The following ADGRL2 variants were observed in gnomAD, a reference collection of about 807,000 sequenced individuals.
The protein encoded by ADGRL2 is calcium-independent alpha-latrotoxin receptor 2.
In ADGRL2, 44 loss-of-function variants were observed where a neutral mutation model predicts 157.4. The ratio of observed to expected loss-of-function variants is 0.28; its 90% CI spans 0.22 to 0.36. ADGRL2 has a LOEUF of 0.36. Among genes scored for constraint, ADGRL2 ranks in the 10% least tolerant of loss-of-function variants. ADGRL2 has a pLI of 1.00. For missense variants in ADGRL2, 1,510 were observed against 1,768.9 expected, an observed-to-expected ratio of 0.85 and a Z score of 2.63; for synonymous variants, 585 against 624.7, an observed-to-expected ratio of 0.94 and a Z score of 0.95.
chr1:81,945,963 G>T (rs1490380144), intron 6 of ADGRL2, among the ~76,000 whole-genome samples: 1 of 152,014 alleles, frequency 6.6e-6, no homozygotes. Flanking sequence ...ATGCATGTAG[G>T]TGGGGTCTTG....
At chr1:81,825,353 C>T (rs528845934) in intron 1 of ADGRL2, among the ~76,000 whole-genome samples, 72 of 152,046 alleles carry the variant, frequency 4.7e-4, no homozygotes, top group African/African-American at 1.7e-3. Context: ...CAGAGCAAGA[C>T]GCTCTCTTTT....
chr1:81,318,928 CTTTTTTTTTTTTTTTTTTTTT>C lies in ADGRL2; in HGVS notation c.-302+12429_-302+12449del. Among the ~76,000 whole-genome samples, 4 of 45,830 alleles carry C rather than the reference CTTTTTTTTTTTTTTTTTTTTT, an allele frequency of 8.7e-5. No individual in the cohort carries two copies. In the South Asian group the frequency reaches 5.3e-3, roughly 61 times the overall value. 30.1% of individuals were successfully genotyped at this position (45,830 alleles called of 152,430 possible). A position where few individuals can be genotyped will look rare whatever the true frequency, so the allele number is the denominator to read the frequency against. ...TTTTATCCTCCATCCTCCATCAATT[CTTTTTTTTTTTTTTTTTTTTT>C]TTTTTTTTTGAGATGGAGTTTCACT... On this transcript the variant is annotated intron_variant, in intron 1 of 24. Transcript: ENST00000370721.
upstream of ADGRL2, among the ~76,000 whole-genome samples, chr1:81,797,365 C>T (rs967960187): frequency 1.3e-5 from 2 of 151,882 alleles, no homozygotes; most frequent in South Asian, 2.1e-4. Context: ...GGCAAAAATA[C>T]ACTCCCCATA....
At chr1:81,446,111 C>A (rs960603532) in intron 2 of ADGRL2, among the ~76,000 whole-genome samples, 2 of 152,112 alleles carry the variant, frequency 1.3e-5, no homozygotes, top group African/African-American at 4.8e-5. Flanking sequence ...CCTATACTTT[C>A]ATGTAAATGC....
rs950746243 is a variant in ADGRL2 at position 81,855,531 on chromosome 1, T to C, written c.73+18474T>C. On this transcript the variant is annotated intron_variant, in intron 2 of 23. Coordinates refer to ENST00000686636, the MANE Select transcript of ADGRL2 (RefSeq NM_001366006.2). ...TATTTTATCAGTATTTTGATACTTT[T>C]TCTTCCTCTTCTTTTTCTTTTTCTT... Among the ~76,000 whole-genome samples, 5 of 151,424 alleles carry C rather than the reference T, an allele frequency of 3.3e-5. No homozygotes were observed. The East Asian group carries it at 7.7e-4, about 23-fold the overall frequency.
At chr1:81,684,842 C>A (rs1426140862) in intron 3 of ADGRL2, among the ~76,000 whole-genome samples, 1 of 152,138 alleles carries the variant, frequency 6.6e-6, no homozygotes. Context: ...TTTCATTCTC[C>A]TACATGTGGC....
At chr1:81,514,003 T>C (rs978974580) in intron 2 of ADGRL2, 1 of 152,134 alleles carries the variant, frequency 6.6e-6, no homozygotes, top group Non-Finnish European at 1.5e-5. Flanking sequence ...GCTCCCACAA[T>C]GGAGCATTAC....
At chr1:81,510,374 A>G (rs1431186549) in intron 2 of ADGRL2, among the ~76,000 whole-genome samples, 1 of 152,182 alleles carries the variant, frequency 6.6e-6, no homozygotes, top group Non-Finnish European at 1.5e-5. Flanking sequence ...ATGGTAGATT[A>G]GGTCCTAGGT....
chr1:81,388,938 T>G (rs1484445506), intron 1 of ADGRL2, among the ~76,000 whole-genome samples: 2 of 152,074 alleles, frequency 1.3e-5, no homozygotes, highest in East Asian at 3.9e-4. Flanking sequence ...AGGTAGATAG[T>G]CTTTTGCAGT....
At chr1:81,714,226 A>C (rs1056351951) in intron 1 of ADGRL2, among the ~76,000 whole-genome samples, 1 of 152,220 alleles carries the variant, frequency 6.6e-6, no homozygotes, top group Non-Finnish European at 1.5e-5. Flanking sequence ...AGATACCTAT[A>C]TAAGTTATCA....
intron 2 of ADGRL2, among the ~76,000 whole-genome samples, chr1:81,542,345 G>A (rs1475991786): frequency 4.6e-5 from 7 of 152,136 alleles, no homozygotes; most frequent in African/African-American, 1.7e-4. Flanking sequence ...GCAGGAGTAG[G>A]GAATGGTAAT....
Position 81,447,864 on chromosome 1 carries a change from T to C in ADGRL2, c.-248+2775T>C, listed in dbSNP as rs577770245. ...GGCCTAGTGGGAAGTGATCTGATCA[T>C]GGGGGTAGATCCTCCATGAACGGTT... On this transcript the variant is annotated intron_variant, in intron 2 of 24. Coordinates refer to the ADGRL2 transcript ENST00000370721. Among the ~76,000 whole-genome samples the C allele has an allele frequency of 2.0e-5, 3 of 152,214 alleles. No homozygotes were observed. In the South Asian group the frequency reaches 6.2e-4, roughly 32 times the overall value.
At chr1:81,624,557 C>G (rs1329282277) in intron 3 of ADGRL2, among the ~76,000 whole-genome samples, 1 of 151,686 alleles carries the variant, frequency 6.6e-6, no homozygotes, top group Non-Finnish European at 1.5e-5. Context: ...CCCACCCCCC[C>G]CAAAAATAAA....
At chr1:81,925,889 AT>A (rs1405241951) in intron 3 of ADGRL2, among the ~76,000 whole-genome samples, 2 of 152,020 alleles carry the variant, frequency 1.3e-5, no homozygotes, top group Admixed American at 6.6e-5. Flanking sequence ...CAGAAAAAAA[AT>A]CTTTATGGCA....
intron 17 of ADGRL2, among the ~76,000 whole-genome samples, chr1:81,973,594 A>G (rs963478995): frequency 1.3e-5 from 2 of 152,248 alleles, no homozygotes; most frequent in African/African-American, 4.8e-5. Context: ...GTTAATTTTC[A>G]ACATACTCAG....
intron 3 of ADGRL2, among the ~76,000 whole-genome samples, chr1:81,622,883 A>C (rs760392173): frequency 6.6e-6 from 1 of 152,330 alleles, no homozygotes; most frequent in Non-Finnish European, 1.5e-5. Context: ...CATTTTACAT[A>C]TATGATTTAA....
intron 2 of ADGRL2, among the ~76,000 whole-genome samples, chr1:81,538,767 G>A (rs1036014034): frequency 2.0e-5 from 3 of 152,062 alleles, no homozygotes; most frequent in African/African-American, 7.2e-5. Flanking sequence ...CACTTTGGGA[G>A]GCCAAGGCGG....
At chr1:81,773,945 G>C (rs2086474719) in intron 2 of ADGRL2, among the ~76,000 whole-genome samples, 2 of 152,174 alleles carry the variant, frequency 1.3e-5, no homozygotes, top group East Asian at 3.9e-4. Context: ...AGGAAGGGAA[G>C]ATTAGGACAC....
intron 2 of ADGRL2, among the ~76,000 whole-genome samples, chr1:81,843,135 A>G (rs2092660227): frequency 6.6e-6 from 1 of 152,112 alleles, no homozygotes; most frequent in Admixed American, 6.5e-5. Context: ...TTTAAAAATT[A>G]CTATTATTAT....
Sources: allele counts gnomAD v4.1 joint callset (sites outside exome capture counted in the v4.1 genomes callset), GRCh38; gene constraint gnomAD v4.1.1; transcripts MANE v1.5; gene names NCBI Gene and HGNC (gene_info 2026-07-23, HGNC 2026-07-21).